Variants in NEDD4L observed in about 807,000 individuals in gnomAD.
The protein encoded by NEDD4L is NEDD4 like E3 ubiquitin protein ligase.
A neutral mutation model predicts 148.9 loss-of-function variants in NEDD4L; 54 were observed. The ratio of observed to expected loss-of-function variants is 0.36; its 90% CI spans 0.29 to 0.45. The LOEUF is 0.45. Ranked by LOEUF, NEDD4L falls within the 20% of genes least tolerant of loss-of-function variation. The probability of loss-of-function intolerance (pLI) is 1.00; values close to 1 mark genes in which losing one functional copy is unlikely to be tolerated. For synonymous variants in NEDD4L, 433 were observed against 440.7 expected, an observed-to-expected ratio of 0.98 and a Z score of 0.22; for missense variants, 856 against 1,233.8, an observed-to-expected ratio of 0.69 and a Z score of 4.59.
chr18:58,195,710 C>T (rs367943561), intron 2 of NEDD4L: 699 of 1,352,036 alleles, frequency 5.2e-4, no homozygotes, highest in Middle Eastern at 2.5e-3. Flanking sequence ...CCACTTCAGA[C>T]GAGCTCTTCC....
intron 13 of NEDD4L, among the ~76,000 whole-genome samples, chr18:58,338,585 A>G (rs2042053759): frequency 6.6e-6 from 1 of 152,210 alleles, no homozygotes; most frequent in Non-Finnish European, 1.5e-5. Flanking sequence ...CTAATTTTCC[A>G]CAAACTGATT....
chr18:58,267,105 C>T (rs2148747891), intron 5 of NEDD4L, among the ~76,000 whole-genome samples: 1 of 152,148 alleles, frequency 6.6e-6, no homozygotes, highest in East Asian at 1.9e-4. Context: ...TTCATTCATT[C>T]AGTCCAGATA....
chr18:58,146,448 A>G (rs1414330111), intron 1 of NEDD4L, among the ~76,000 whole-genome samples: 1 of 152,166 alleles, frequency 6.6e-6, no homozygotes, highest in African/African-American at 2.4e-5. Context: ...CCCAGGTTCC[A>G]TGCCATCTTT....
intron 3 of NEDD4L, 106 bp from the exon 4 acceptor site, chr18:58,248,792 CT>C (rs1352340174): frequency 1.3e-5 from 8 of 633,142 alleles, no homozygotes; most frequent in Admixed American, 1.1e-4. Context: ...CTTCTCTTAG[CT>C]TTTTTTAATC....
At chr18:58,047,129 C>G (rs190874653) in intron 1 of NEDD4L, 214 of 444,834 alleles carry the variant, frequency 4.8e-4, no homozygotes, top group African/African-American at 4.2e-3. Flanking sequence ...AGAATGCCCG[C>G]TGAAGCAAAC....
At chr18:58,199,525 A>C (rs1029404679) in intron 2 of NEDD4L, among the ~76,000 whole-genome samples, 22 of 152,312 alleles carry the variant, frequency 1.4e-4, no homozygotes, top group Admixed American at 5.9e-4. Context: ...TCACGCTTGT[A>C]ATCCCGGCAC....
rs776098051 is a variant in NEDD4L, at chr18:58,325,028, G to A, written c.546G>A (p.Ser182=). The change falls in exon 9 of 31, where the codon TCG becomes TCA. Residue 182 remains serine, a synonymous_variant. Transcript: ENST00000400345. ...HGWEVVDSND[S]ASQHQEELPP... is the part of the protein sequence containing the mutation. ...GGGAAGTTGTTGACTCAAATGACTC[G>A]GCTTCTCAGCACCAAGAGGAACTTC... 16 of 1,613,746 alleles carry A rather than the reference G, an allele frequency of 9.9e-6. No individual in the cohort carries two copies. The highest frequency in any genetic ancestry group is 1.3e-5 in the African/African-American group (1 of 74,896).
Position 58,397,448 on chromosome 18 carries a change from G to A in NEDD4L, c.*1179G>A, listed in dbSNP as rs2050568165. Reference sequence around the variant, plus strand: ...ATATCTATCAATTGTGAATCTGGCTGCTGGTGTATAAAAACCTGGATGTAA... The same window carrying A: ...ATATCTATCAATTGTGAATCTGGCTACTGGTGTATAAAAACCTGGATGTAA... On this transcript the variant is annotated 3_prime_UTR_variant, in exon 31 of 31. Coordinates refer to ENST00000400345, the MANE Select transcript of NEDD4L (RefSeq NM_001144967.3). 1 of 152,296 alleles carries A rather than the reference G, an allele frequency of 6.6e-6. No homozygotes were observed. The highest frequency in any genetic ancestry group is 1.5e-5 in the Non-Finnish European group (1 of 68,036). 9.4% of individuals were successfully genotyped at this position (152,296 alleles called of 1,614,324 possible).
intron 1 of NEDD4L, chr18:58,047,289 A>G: frequency 1.0e-6 from 1 of 984,058 alleles, no homozygotes; most frequent in Non-Finnish European, 1.2e-6. Context: ...ACACATACCT[A>G]CCACATTTCT....
chr18:58,063,114 C>G (rs1459526336), intron 1 of NEDD4L, among the ~76,000 whole-genome samples: 16 of 129,862 alleles, frequency 1.2e-4, no homozygotes, highest in Non-Finnish European at 2.0e-4. Context: ...GGCGTTATCA[C>G]GGTTCACTGT....
intron 5 of NEDD4L, among the ~76,000 whole-genome samples, chr18:58,297,283 A>T (rs1172048343): frequency 6.6e-6 from 1 of 152,120 alleles, no homozygotes; most frequent in African/African-American, 2.4e-5. Context: ...CCCTAGTTAC[A>T]ACAAGGATGG....
chr18:58,174,681 G>T (rs531645479), intron 2 of NEDD4L, among the ~76,000 whole-genome samples: 1 of 152,260 alleles, frequency 6.6e-6, no homozygotes, highest in East Asian at 1.9e-4. Flanking sequence ...GGCTACGTGC[G>T]ACTGGAGGGA....
chr18:58,051,523 G>A (rs747207965), intron 1 of NEDD4L, among the ~76,000 whole-genome samples: 1 of 150,794 alleles, frequency 6.6e-6, no homozygotes, highest in Non-Finnish European at 1.5e-5. Flanking sequence ...CTTGTGCGGT[G>A]TTTAAAATGG....
At chr18:58,347,765 G>C (rs531732054) in intron 16 of NEDD4L, among the ~76,000 whole-genome samples, 48 of 152,166 alleles carry the variant, frequency 3.2e-4, no homozygotes, top group African/African-American at 1.1e-3. Flanking sequence ...TGTTGTTCGT[G>C]GTCTTTTTTG....
rs926509769 is a variant in NEDD4L at position 58,400,199 on chromosome 18, C to T, written c.*3930C>T. The T allele has an allele frequency of 1.3e-5, 2 of 152,246 alleles. No individual in the cohort carries two copies. The highest frequency in any genetic ancestry group is 1.9e-4 in the East Asian group (1 of 5,196). The allele number at this position is 152,246 out of a possible 1,614,324, so 9.4% of individuals were successfully genotyped here. ...GGTGCCGCTGTGCAGGGTAACTGCC[C>T]GCCTGCTCCCTTCCTGACCTCCCCT... is the stretch of plus-strand genomic sequence containing the variant. On this transcript the variant is annotated 3_prime_UTR_variant, in exon 31 of 31. Transcript: ENST00000400345.
In NEDD4L at chr18:58,385,497, G is replaced by A; in HGVS notation, c.2427-29G>A. 1.9e-6 allele frequency: 3 copies of A among 1,587,654 alleles called. No individual in the cohort carries two copies. The African/African-American group carries it at 4.0e-5, about 21-fold the overall frequency. ...GTGAGCACTAGTGATGATGGAGGTGGTTCAATATTGTCCTCTTTTCTCCTG... is the reference window on the plus strand; with the variant it reads ...GTGAGCACTAGTGATGATGGAGGTGATTCAATATTGTCCTCTTTTCTCCTG... On this transcript the variant is annotated intron_variant, in intron 25 of 30. Coordinates refer to ENST00000400345, the MANE Select transcript of NEDD4L (RefSeq NM_001144967.3).
intron 5 of NEDD4L, among the ~76,000 whole-genome samples, chr18:58,260,312 A>C (rs1002661852): frequency 6.6e-6 from 1 of 152,266 alleles, no homozygotes; most frequent in Non-Finnish European, 1.5e-5. Flanking sequence ...ATGTGGTCTT[A>C]GAATAAACCA....
chr18:58,388,844 G>A (rs189876405), intron 27 of NEDD4L: 4 of 525,324 alleles, frequency 7.6e-6, no homozygotes, highest in African/African-American at 3.8e-5. Flanking sequence ...TTTTATATCC[G>A]ATACGACATG....
intron 1 of NEDD4L, among the ~76,000 whole-genome samples, chr18:58,105,333 C>T (rs975434680): frequency 1.3e-5 from 2 of 152,152 alleles, no homozygotes; most frequent in African/African-American, 4.8e-5. Context: ...GTTCTCCCTG[C>T]ATTTTGACAC....
Sources: gnomAD v4.1 joint callset for allele counts (sites outside exome capture counted in the v4.1 genomes callset) on GRCh38, gnomAD v4.1.1 for gene constraint, MANE v1.5 for transcripts, NCBI Gene and HGNC (gene_info 2026-07-23, HGNC 2026-07-21) for gene names.